Variants in NRG3 observed in about 807,000 individuals in gnomAD.
The protein encoded by NRG3 is pro-neuregulin-3, membrane-bound isoform.
In NRG3, 31 loss-of-function variants were observed where a neutral mutation model predicts 66.9. The observed-to-expected ratio is 0.46, with a 90% CI of 0.35 to 0.63. The LOEUF is 0.63. NRG3 is among the 20% of genes least tolerant of loss of function. NRG3 has a pLI of 0.00. For missense variants in NRG3, 910 were observed against 878.9 expected, an observed-to-expected ratio of 1.04 and a Z score of -0.45; for synonymous variants, 393 against 359.4, an observed-to-expected ratio of 1.09 and a Z score of -1.06.
At chr10:82,269,733 G>C (rs894024725) in intron 1 of NRG3, among the ~76,000 whole-genome samples, 1 of 152,148 alleles carries the variant, frequency 6.6e-6, no homozygotes, top group African/African-American at 2.4e-5. Context: ...TGTCATGATA[G>C]CACACATTGC....
At chr10:81,979,675 C>T (rs2060261705) in intron 1 of NRG3, among the ~76,000 whole-genome samples, 1 of 152,062 alleles carries the variant, frequency 6.6e-6, no homozygotes, top group African/African-American at 2.4e-5. Context: ...CTGAGCCATC[C>T]CCAGGGAGTC....
At chr10:82,493,818 G>A (rs1843375733) in intron 2 of NRG3, among the ~76,000 whole-genome samples, 1 of 152,244 alleles carries the variant, frequency 6.6e-6, no homozygotes, top group East Asian at 1.9e-4. Flanking sequence ...GCAACCTACA[G>A]AGTGGGAGAC....
intron 1 of NRG3, among the ~76,000 whole-genome samples, chr10:82,098,508 C>A (rs1045975207): frequency 2.6e-5 from 4 of 152,114 alleles, no homozygotes; most frequent in Non-Finnish European, 4.4e-5. Context: ...TCTCCACATA[C>A]AATCTGTGTT....
At chr10:82,155,904 T>C (rs2071150361) in intron 1 of NRG3, among the ~76,000 whole-genome samples, 1 of 151,782 alleles carries the variant, frequency 6.6e-6, no homozygotes, top group South Asian at 2.1e-4. Context: ...AAACTTTAGC[T>C]GCTTCCTGGT....
At chr10:81,952,887 G>T (rs1328780365) in intron 1 of NRG3, among the ~76,000 whole-genome samples, 1 of 151,984 alleles carries the variant, frequency 6.6e-6, no homozygotes, top group Non-Finnish European at 1.5e-5. Flanking sequence ...GATGCACCAC[G>T]CTTGGCCTCA....
At chr10:82,769,022 T>C (rs2059618105) in intron 3 of NRG3, among the ~76,000 whole-genome samples, 1 of 152,136 alleles carries the variant, frequency 6.6e-6, no homozygotes, top group Admixed American at 6.6e-5. Flanking sequence ...GTCAAAATTG[T>C]CAGTAGTTTT....
intron 4 of NRG3, among the ~76,000 whole-genome samples, chr10:82,925,006 A>G (rs2132102522): frequency 1.3e-5 from 2 of 152,292 alleles, no homozygotes; most frequent in East Asian, 3.9e-4. Flanking sequence ...GCCAGACACA[A>G]TGCTGAAAAC....
intron 1 of NRG3, among the ~76,000 whole-genome samples, chr10:81,934,407 CTG>C (rs1384253788): frequency 6.6e-6 from 1 of 152,156 alleles, no homozygotes; most frequent in African/African-American, 2.4e-5. Context: ...TCCTTCTATT[CTG>C]TCATTCTCCT....
intron 2 of NRG3, among the ~76,000 whole-genome samples, chr10:82,653,096 A>G: frequency 6.6e-6 from 1 of 152,196 alleles, no homozygotes; most frequent in Non-Finnish European, 1.5e-5. Flanking sequence ...GAGACTTACC[A>G]AAGCTCAATT....
chr10:82,579,417 C>A (rs995855156), intron 2 of NRG3, among the ~76,000 whole-genome samples: 3 of 151,998 alleles, frequency 2.0e-5, no homozygotes, highest in Non-Finnish European at 4.4e-5. Context: ...ACTTCCCCTC[C>A]ACAGCCTTCA....
At chr10:82,393,066 G>C (rs1937983) in intron 2 of NRG3, among the ~76,000 whole-genome samples, 61,574 of 151,798 alleles carry the variant, frequency 0.41, 15,307 homozygotes, top group African/African-American at 0.7. Context: ...CAAATGCTCT[G>C]ACTTCTTAAG....
chr10:82,306,890 T>C (rs1351973160), intron 1 of NRG3, among the ~76,000 whole-genome samples: 1 of 152,084 alleles, frequency 6.6e-6, no homozygotes, highest in East Asian at 1.9e-4. Flanking sequence ...TAGACTATTA[T>C]TCACTTCATC....
intron 2 of NRG3, among the ~76,000 whole-genome samples, chr10:82,631,137 A>T (rs544498882): frequency 6.6e-6 from 1 of 152,312 alleles, no homozygotes; most frequent in East Asian, 1.9e-4. Context: ...TCTGCTGAGA[A>T]AAAGAACCTA....
intron 1 of NRG3, among the ~76,000 whole-genome samples, chr10:81,982,379 C>G (rs958387401): frequency 7.2e-5 from 11 of 152,184 alleles, no homozygotes; most frequent in African/African-American, 2.7e-4. Context: ...TCAAGGCAAT[C>G]TAAGCTTCCT....
intron 1 of NRG3, among the ~76,000 whole-genome samples, chr10:82,357,985 T>C (rs1327245168): frequency 6.6e-6 from 1 of 152,222 alleles, no homozygotes; most frequent in East Asian, 1.9e-4. Flanking sequence ...GAACAATGTC[T>C]ACATGTGGTA....
intron 1 of NRG3, among the ~76,000 whole-genome samples, chr10:82,339,139 T>A (rs1232534839): frequency 6.6e-6 from 1 of 152,232 alleles, no homozygotes; most frequent in Non-Finnish European, 1.5e-5. Flanking sequence ...AAGACCTGGA[T>A]GTTTTCAAAA....
intron 1 of NRG3, among the ~76,000 whole-genome samples, chr10:81,891,314 C>G (rs2132557623): frequency 6.6e-6 from 1 of 152,340 alleles, no homozygotes; most frequent in South Asian, 2.1e-4. Flanking sequence ...GACTATATGG[C>G]TCTATTCCTG....
intron 1 of NRG3, among the ~76,000 whole-genome samples, chr10:82,172,853 T>C (rs2072735547): frequency 6.6e-6 from 1 of 152,100 alleles, no homozygotes; most frequent in Admixed American, 6.6e-5. Context: ...TTCTTTTACA[T>C]CATTCCCAAC....
intron 1 of NRG3, among the ~76,000 whole-genome samples, chr10:82,096,248 G>A (rs1233050012): frequency 6.6e-6 from 1 of 152,044 alleles, no homozygotes; most frequent in African/African-American, 2.4e-5. Context: ...AGGCTGAGGT[G>A]GGCAGATCAT....
Sources: allele counts gnomAD v4.1 joint callset (sites outside exome capture counted in the v4.1 genomes callset), GRCh38; gene constraint gnomAD v4.1.1; transcripts MANE v1.5; gene names NCBI Gene and HGNC (gene_info 2026-07-23, HGNC 2026-07-21).